The following TMEM245 variants were observed in gnomAD, a reference collection of about 807,000 sequenced individuals.
TMEM245 encodes protein CG-2.
In TMEM245, 69 loss-of-function variants were observed where a neutral mutation model predicts 101.2. The observed-to-expected ratio is 0.68, with a 90% confidence interval of 0.56 to 0.83. TMEM245 has a LOEUF of 0.83. Among genes scored for constraint, TMEM245 ranks in the 40% least tolerant of loss-of-function variants. The pLI is 0.00. For missense variants in TMEM245, 1,075 were observed against 1,092.8 expected (o/e 0.98, Z 0.23); for synonymous variants, 537 against 449.8 (o/e 1.19, Z -2.45).
intron 14 of TMEM245, among the ~76,000 whole-genome samples, chr9:109,048,534 G>A (rs1828572253): frequency 6.6e-6 from 1 of 152,146 alleles, no homozygotes; most frequent in South Asian, 2.1e-4. Flanking sequence ...TGCTATTCAA[G>A]AGATGCTTAA....
chr9:109,039,625 T>A (rs1472190060), intron 14 of TMEM245, among the ~76,000 whole-genome samples: 1 of 151,808 alleles, frequency 6.6e-6, no homozygotes, highest in African/African-American at 2.4e-5. Flanking sequence ...ACCAGAATAA[T>A]TATAAAAGAG....
intron 7 of TMEM245, 107 bp from the exon 8 acceptor site, chr9:109,081,050 A>C: frequency 1.4e-6 from 1 of 699,542 alleles, no homozygotes; most frequent in Non-Finnish European, 2.5e-6. Flanking sequence ...ATGGCAAAGC[A>C]AATTATGGCA....
rs184891159 is a variant in TMEM245, at chr9:109,119,704, C to A, written c.210G>T (p.Ala70=). 1 of 1,549,124 alleles carries A rather than the reference C, an allele frequency of 6.5e-7. No individual in the cohort carries two copies. The highest frequency in any genetic ancestry group is 8.7e-7 in the Non-Finnish European group (1 of 1,151,404). ...VLFVCLCCGA[A]VLVYFILEAF... The stretch of plus-strand genomic sequence containing the variant: ...CCTCCAGGATGAAGTAGACCAGCAC[C>A]GCGGCGCCGCAGCACAGGCACACGA... The change falls in exon 1 of 18, where the codon GCG becomes GCT. Residue 70 remains alanine, a synonymous_variant. Coordinates refer to ENST00000374586, the MANE Select transcript of TMEM245 (RefSeq NM_032012.4).
chr9:109,091,096 G>C lies in TMEM245; in HGVS notation c.976C>G (p.Pro326Ala), dbSNP rs771837571. 3.1e-6 allele frequency: 5 copies of C among 1,614,056 alleles called. No homozygotes were observed. The Admixed American group carries it at 8.3e-5, about 27-fold the overall frequency. ...TLSTSPSPSS[P>A]SPTSPSPTLG... is the part of the protein sequence containing the mutation. ...GTAGGTGAAGGGGAAGTGGGTGAAG[G>C]GGAGGAGGGTGAAGGGGAGGTGGAC... is the stretch of plus-strand genomic sequence containing the variant. The change falls in exon 5 of 18, where the codon CCT becomes GCT. Residue 326 changes from proline to alanine, a missense_variant. Transcript: ENST00000374586.
chr9:109,076,632 A>G (rs1829518380), intron 8 of TMEM245, among the ~76,000 whole-genome samples: 1 of 152,154 alleles, frequency 6.6e-6, no homozygotes, highest in South Asian at 2.1e-4. Context: ...CTTAATTTCT[A>G]AATATTTGGA....
chr9:109,024,113 C>T (rs1827723602), intron 17 of TMEM245, among the ~76,000 whole-genome samples: 1 of 152,148 alleles, frequency 6.6e-6, no homozygotes, highest in Non-Finnish European at 1.5e-5. Context: ...GACTTGTTGA[C>T]TTCCAGCCTC....
intron 16 of TMEM245, among the ~76,000 whole-genome samples, 188 bp from the exon 17 acceptor site, chr9:109,033,689 A>G (rs1397421712): frequency 2.0e-5 from 3 of 147,418 alleles, no homozygotes; most frequent in Non-Finnish European, 4.5e-5. Flanking sequence ...TTGAGATGCA[A>G]CAATTGTTTT....
At chr9:109,100,266 T>C (rs1339455071) in intron 3 of TMEM245, among the ~76,000 whole-genome samples, 1 of 152,136 alleles carries the variant, frequency 6.6e-6, no homozygotes, top group African/African-American at 2.4e-5. Context: ...TCAAAGAGCC[T>C]GGGGAGGGGA....
intron 12 of TMEM245, among the ~76,000 whole-genome samples, chr9:109,051,699 T>A (rs1828691876): frequency 1.3e-5 from 2 of 152,206 alleles, no homozygotes; most frequent in Admixed American, 6.5e-5. Flanking sequence ...CATTATTATG[T>A]GACACAGGCC....
intron 14 of TMEM245, among the ~76,000 whole-genome samples, chr9:109,041,099 G>A (rs1252419733): frequency 1.3e-5 from 2 of 152,128 alleles, no homozygotes; most frequent in African/African-American, 4.8e-5. Context: ...ATCTCCTCAA[G>A]GTATGAGGTT....
At position 109,087,256 on chromosome 9, in the gene TMEM245, T is replaced by C. The variant is rs202117105; in HGVS notation, c.1237A>G (p.Ser413Gly). 3.1e-6 allele frequency: 5 copies of C among 1,614,028 alleles called. No homozygotes were observed. The highest frequency in any genetic ancestry group is 1.7e-5 in the Admixed American group (1 of 59,998). ...RYHVWWGIIE[S>G]FLKERQGALA... ...GCTCCCTGCCGCTCCTTCAGGAAGC[T>C]TTCTATAATGCCCCACCACACATGG... is the stretch of plus-strand genomic sequence containing the variant. Residue 413 changes from serine to glycine, a missense_variant, in exon 6 of 18, where the codon AGC becomes GGC. Ser to Gly is a moderately conservative substitution (Grantham distance 56). Around this residue, in one of 2 missense-constraint regions of TMEM245, gnomAD observed 808 missense variants for 741.5 expected, o/e 1.09. Coordinates refer to ENST00000374586, the MANE Select transcript of TMEM245 (RefSeq NM_032012.4).
At chr9:109,038,969 C>CT (rs1828221529) in intron 14 of TMEM245, 1 of 152,228 alleles carries the variant, frequency 6.6e-6, no homozygotes, top group South Asian at 2.1e-4. Context: ...AACCTGGACT[C>CT]TATGGGGTGG....
At chr9:109,034,409 T>C (rs997928516) in intron 16 of TMEM245, among the ~76,000 whole-genome samples, 2 of 152,252 alleles carry the variant, frequency 1.3e-5, no homozygotes, top group African/African-American at 4.8e-5. Flanking sequence ...CCATGTTTGC[T>C]AAGTAAACTT....
intron 3 of TMEM245, among the ~76,000 whole-genome samples, chr9:109,105,801 T>G (rs539518984): frequency 1.7e-4 from 26 of 152,226 alleles, no homozygotes; most frequent in Non-Finnish European, 2.6e-4. Flanking sequence ...AGACGGAGTC[T>G]CGCTCTGTTG....
In TMEM245 at chr9:109,087,243, T is replaced by TCC; in HGVS notation, c.1248_1249dup (p.Glu417GlyfsTer20). ...CCAAGGCGCGAGAGCTCCCTGCCGC[T>TCC]CCTTCAGGAAGCTTTCTATAATGCC... On this transcript the variant is annotated frameshift_variant, in exon 6 of 18. Transcript: ENST00000374586. LOFTEE classifies it high-confidence loss of function. The TCC allele has an allele frequency of 6.2e-7, 1 of 1,613,996 alleles. No homozygotes were observed. Among genetic ancestry groups the TCC allele is most frequent in the Non-Finnish European group, 8.5e-7 (1 of 1,179,940 alleles).
At chr9:109,035,573 TCAGA>T (rs1828093808) in intron 16 of TMEM245, among the ~76,000 whole-genome samples, 1 of 152,150 alleles carries the variant, frequency 6.6e-6, no homozygotes, top group Admixed American at 6.5e-5. Context: ...ATGGATATCC[TCAGA>T]CATACAATCT....
At chr9:109,099,336 C>A (rs1170008215) in intron 3 of TMEM245, among the ~76,000 whole-genome samples, 1 of 152,200 alleles carries the variant, frequency 6.6e-6, no homozygotes, top group African/African-American at 2.4e-5. Context: ...TTGGGCTTGA[C>A]TGAACCAAAC....
rs1564211569 is a variant in TMEM245 at position 109,108,527 on chromosome 9, TTGAA to T, written c.619_622del (p.Phe207SerfsTer10). The T allele has an allele frequency of 6.2e-7, 1 of 1,611,184 alleles. No individual in the cohort carries two copies. The highest frequency in any genetic ancestry group is 2.2e-5 in the East Asian group (1 of 44,766). Reference sequence around the variant, plus strand: ...GTAGCGTTCAGTGCTTGCATTCCACTTGAATGAAACAGTCAACACATAGCCAACC... The same window carrying T: ...GTAGCGTTCAGTGCTTGCATTCCACTTGAAACAGTCAACACATAGCCAACC... On this transcript the variant is annotated frameshift_variant, in exon 2 of 18. Transcript: ENST00000374586. LOFTEE classifies it high-confidence loss of function.
At chr9:109,050,180 G>T in intron 14 of TMEM245, 103 bp downstream of exon 14, 1 of 1,307,342 alleles carries the variant, frequency 7.6e-7, no homozygotes, top group Non-Finnish European at 1.1e-6. Flanking sequence ...AGTCCATCAC[G>T]AGTTTAGCAC....
Sources: allele counts gnomAD v4.1 joint callset (sites outside exome capture counted in the v4.1 genomes callset), GRCh38; gene constraint gnomAD v4.1.1; regional missense constraint gnomAD v4.1.1; transcripts MANE v1.5; gene names NCBI Gene and HGNC (gene_info 2026-07-23, HGNC 2026-07-21).